The following NF1 variants were observed in gnomAD, a reference collection of about 807,000 sequenced individuals.
NF1 encodes neurofibromin 1.
In NF1, 122 loss-of-function variants were observed where a neutral mutation model predicts 325.7. That is an observed-to-expected ratio of 0.37 (90% CI 0.32 to 0.44). NF1 has a LOEUF of 0.44. Among genes scored for constraint, NF1 ranks in the 20% least tolerant of loss-of-function variants. NF1 has a pLI of 1.00. For missense variants in NF1, 2,140 were observed against 3,415.4 expected, an observed-to-expected ratio of 0.63 and a Z score of 9.31; for synonymous variants, 1,091 against 1,186.0, an observed-to-expected ratio of 0.92 and a Z score of 1.65.
At chr17:31,343,691 C>T (rs1329555356) in intron 48 of NF1, among the ~76,000 whole-genome samples, 1 of 152,122 alleles carries the variant, frequency 6.6e-6, no homozygotes, top group Non-Finnish European at 1.5e-5. Flanking sequence ...TATGGTGGCT[C>T]ACACCTGTAG....
chr17:31,253,905 G>T (rs540564105), intron 31 of NF1: 1 of 151,950 alleles, frequency 6.6e-6, no homozygotes. Context: ...TTCTTAAAAG[G>T]GTGTAATTTA....
intron 2 of NF1, among the ~76,000 whole-genome samples, chr17:31,157,920 G>A (rs892825024): frequency 6.6e-6 from 1 of 151,838 alleles, no homozygotes; most frequent in East Asian, 1.9e-4. Flanking sequence ...GAGCCAGGAT[G>A]CGCCACTGCA....
intron 4 of NF1, among the ~76,000 whole-genome samples, chr17:31,167,668 G>A (rs968346876): frequency 6.6e-6 from 1 of 152,138 alleles, no homozygotes; most frequent in East Asian, 1.9e-4. Flanking sequence ...TAATAGATTA[G>A]CAATACCAAC....
chr17:31,277,189 C>T (rs1316657114), intron 36 of NF1, among the ~76,000 whole-genome samples: 1 of 152,076 alleles, frequency 6.6e-6, no homozygotes, highest in African/African-American at 2.4e-5. Flanking sequence ...GTCTTACTGT[C>T]CCCGGGCTGG....
intron 36 of NF1, among the ~76,000 whole-genome samples, chr17:31,311,011 ATC>A (rs2068860485): frequency 1.3e-5 from 2 of 150,128 alleles, no homozygotes; most frequent in South Asian, 4.2e-4. Flanking sequence ...CAGTGGTGCA[ATC>A]TCAGCTCACT....
chr17:31,266,466 C>T (rs1474784630), intron 36 of NF1, among the ~76,000 whole-genome samples: 2 of 152,162 alleles, frequency 1.3e-5, no homozygotes, highest in East Asian at 1.9e-4. Context: ...GTAACCCCTG[C>T]TCACCTTCCC....
chr17:31,121,080 G>A (rs975960106), intron 1 of NF1, among the ~76,000 whole-genome samples: 14 of 152,184 alleles, frequency 9.2e-5, no homozygotes, highest in Admixed American at 3.3e-4. Context: ...ATTTGAAAGC[G>A]TAATTCAATT....
In NF1 at chr17:31,374,240, T is replaced by C; in HGVS notation, c.*85T>C. 2 of 1,554,744 alleles carry C rather than the reference T, an allele frequency of 1.3e-6. No homozygotes were observed. Among genetic ancestry groups the C allele is most frequent in the Non-Finnish European group, 1.8e-6 (2 of 1,128,550 alleles). Reference sequence around the variant, plus strand: ...TCCCTGTCCTTGCCCTTTCCCCCCATGTTGTAATGCTGCACTTCCTGTTTT... The same window carrying C: ...TCCCTGTCCTTGCCCTTTCCCCCCACGTTGTAATGCTGCACTTCCTGTTTT... On this transcript the variant is annotated 3_prime_UTR_variant, in exon 58 of 58. Coordinates refer to ENST00000358273, the MANE Select transcript of NF1 (RefSeq NM_001042492.3).
chr17:31,187,969 A>G (rs930471023), intron 8 of NF1, among the ~76,000 whole-genome samples: 1 of 152,228 alleles, frequency 6.6e-6, no homozygotes, highest in Non-Finnish European at 1.5e-5. Flanking sequence ...AAATCAGTCT[A>G]CTACTCCATA....
intron 1 of NF1, among the ~76,000 whole-genome samples, chr17:31,117,019 T>C (rs996257598): frequency 6.6e-6 from 1 of 151,908 alleles, no homozygotes; most frequent in Non-Finnish European, 1.5e-5. Context: ...AGTCTCACTA[T>C]TGCCCAGGCT....
At chr17:31,226,001 A>G (rs973117525) in intron 17 of NF1, among the ~76,000 whole-genome samples, 2 of 152,098 alleles carry the variant, frequency 1.3e-5, no homozygotes, top group Non-Finnish European at 2.9e-5. Context: ...CAGTGTACTT[A>G]TTTTATTACT....
In NF1 at chr17:31,349,086, C is replaced by CTTGT. The variant is rs149197458; in HGVS notation, c.7190-11_7190-8dup. On this transcript the variant is annotated intron_variant, in intron 48 of 57. Transcript: ENST00000358273. ...TGCTTGTTCAAAAAATTAATTCTTA[C>CTTGT]TTGTTTGTTTGTTTGTTTGTTTGTT... 8.4e-4 allele frequency: 1,305 copies of CTTGT among 1,550,920 alleles called. 2 individuals carry two copies. Among genetic ancestry groups the CTTGT allele is most frequent in the African/African-American group, 4.7e-3 (347 of 73,094 alleles).
At chr17:31,096,690 G>A (rs955118546) in intron 1 of NF1, among the ~76,000 whole-genome samples, 5 of 152,110 alleles carry the variant, frequency 3.3e-5, no homozygotes, top group African/African-American at 7.2e-5. Flanking sequence ...ATTTCTTTAC[G>A]GGACTCAGCG....
intron 36 of NF1, among the ~76,000 whole-genome samples, chr17:31,283,278 G>A (rs548785574): frequency 6.8e-4 from 104 of 152,064 alleles, no homozygotes; most frequent in African/African-American, 2.0e-3. Context: ...TTAGCTGGTC[G>A]TGGTGGCGGG....
At chr17:31,367,347 A>G (rs960353680) in intron 57 of NF1, 9 of 1,062,424 alleles carry the variant, frequency 8.5e-6, no homozygotes, top group Non-Finnish European at 1.2e-5. Flanking sequence ...GGCACATAGC[A>G]TGAGACTTTA....
At chr17:31,117,672 CAAAAAAA>C (rs780828438) in intron 1 of NF1, among the ~76,000 whole-genome samples, 918 of 19,670 alleles carry the variant, frequency 0.047, 4 homozygotes, top group African/African-American at 0.11. Context: ...AACTCCATCT[CAAAAAAA>C]AAAAAAAAAA....
chr17:31,324,661 A>G (rs2069297271), intron 36 of NF1, among the ~76,000 whole-genome samples: 1 of 152,162 alleles, frequency 6.6e-6, no homozygotes, highest in South Asian at 2.1e-4. Context: ...TCCCAGGTCC[A>G]AGTGATTCTC....
intron 17 of NF1, among the ~76,000 whole-genome samples, chr17:31,225,452 G>GT (rs1420146927): frequency 6.6e-6 from 1 of 152,102 alleles, no homozygotes. Flanking sequence ...AATGGGGACA[G>GT]TAATAGTTCC....
chr17:31,304,676 G>T (rs755209854), intron 36 of NF1: 1 of 1,614,080 alleles, frequency 6.2e-7, no homozygotes, highest in Non-Finnish European at 8.5e-7. Flanking sequence ...CCATTTACTT[G>T]ATCTTTTATT....
Sources: gnomAD v4.1 joint callset for allele counts (sites outside exome capture counted in the v4.1 genomes callset) on GRCh38, gnomAD v4.1.1 for gene constraint, MANE v1.5 for transcripts, NCBI Gene and HGNC (gene_info 2026-07-23, HGNC 2026-07-21) for gene names.